Variants in CSNK1G3 observed in about 807,000 individuals in gnomAD.
CSNK1G3 encodes the protein casein kinase 1 gamma 3, also known as casein kinase I isoform gamma-3.
A neutral mutation model predicts 64.3 loss-of-function variants in CSNK1G3; 23 were observed. The ratio of observed to expected loss-of-function variants is 0.36; its 90% CI spans 0.26 to 0.51. The LOEUF is 0.51. Ranked by LOEUF, CSNK1G3 falls within the 20% of genes least tolerant of loss-of-function variation. CSNK1G3 has a pLI of 0.96. For missense variants in CSNK1G3, 357 were observed against 510.5 expected, an observed-to-expected ratio of 0.70 and a Z score of 2.90; for synonymous variants, 158 against 162.2, an observed-to-expected ratio of 0.97 and a Z score of 0.20.
At chr5:123,526,169 C>T (rs1779030908) in intron 1 of CSNK1G3, among the ~76,000 whole-genome samples, 1 of 151,772 alleles carries the variant, frequency 6.6e-6, no homozygotes, top group African/African-American at 2.4e-5. Flanking sequence ...CCCCACATTG[C>T]CAGGACTACA....
At chr5:123,515,731 C>T (rs1456008879) in intron 1 of CSNK1G3, among the ~76,000 whole-genome samples, 1 of 151,972 alleles carries the variant, frequency 6.6e-6, no homozygotes, top group Non-Finnish European at 1.5e-5. Context: ...CTAATTATTC[C>T]CCTCTTAGCT....
intron 12 of CSNK1G3, among the ~76,000 whole-genome samples, chr5:123,610,683 T>C (rs1393014028): frequency 6.6e-6 from 1 of 152,148 alleles, no homozygotes; most frequent in African/African-American, 2.4e-5. Context: ...TAAGTAGGAC[T>C]TAACATATAT....
At chr5:123,537,290 A>G (rs143114085) in intron 1 of CSNK1G3, among the ~76,000 whole-genome samples, 40 of 152,304 alleles carry the variant, frequency 2.6e-4, no homozygotes, top group Admixed American at 3.3e-4. Context: ...TTGCAGCAAC[A>G]TGGATAGAAC....
intron 10 of CSNK1G3, among the ~76,000 whole-genome samples, chr5:123,595,664 TAAG>T (rs984083068): frequency 2.0e-5 from 3 of 152,138 alleles, no homozygotes; most frequent in Non-Finnish European, 1.5e-5. Flanking sequence ...GAAATTTTAA[TAAG>T]AAGTGTTTAT....
intron 1 of CSNK1G3, among the ~76,000 whole-genome samples, chr5:123,537,347 G>A (rs1230873789): frequency 6.7e-6 from 1 of 149,836 alleles, no homozygotes; most frequent in Non-Finnish European, 1.5e-5. Flanking sequence ...GATATCACAT[G>A]TTCTCACTTC....
At chr5:123,552,947 A>C in intron 2 of CSNK1G3, 160 bp from the exon 3 acceptor site, 1 of 430,378 alleles carries the variant, frequency 2.3e-6, no homozygotes, top group Non-Finnish European at 4.3e-6. Flanking sequence ...CGAGTTGATA[A>C]TAAGTTTGAA....
At chr5:123,584,303 A>C (rs1790903834) in intron 6 of CSNK1G3, among the ~76,000 whole-genome samples, 1 of 152,140 alleles carries the variant, frequency 6.6e-6, no homozygotes, top group Admixed American at 6.5e-5. Context: ...CATTTTTCGT[A>C]GTTGTTGTCA....
chr5:123,608,802 T>C (rs1198113316), intron 12 of CSNK1G3, among the ~76,000 whole-genome samples: 1 of 152,182 alleles, frequency 6.6e-6, no homozygotes, highest in Non-Finnish European at 1.5e-5. Flanking sequence ...TGGTTATCAG[T>C]ATTTTTAAAA....
At chr5:123,549,309 G>A (rs555997332) in intron 2 of CSNK1G3, among the ~76,000 whole-genome samples, 1 of 152,104 alleles carries the variant, frequency 6.6e-6, no homozygotes, top group African/African-American at 2.4e-5. Context: ...TTATTTTTCT[G>A]TATATTATGA....
intron 12 of CSNK1G3, among the ~76,000 whole-genome samples, chr5:123,610,576 C>A (rs1478419): frequency 0.38 from 57,190 of 151,972 alleles, 11,857 homozygotes; most frequent in East Asian, 0.66. Context: ...GTCAATAGCA[C>A]AAGCCTGTAT....
chr5:123,615,588 CATATGA>C (rs1749318312), exon 13 of CSNK1G3: 1 of 133,874 alleles, frequency 7.5e-6, no homozygotes, highest in African/African-American at 2.5e-5. Flanking sequence ...GAAGTGCCTG[CATATGA>C]ACAACAACAA....
intron 6 of CSNK1G3, among the ~76,000 whole-genome samples, chr5:123,582,086 T>A (rs1790415457): frequency 6.6e-6 from 1 of 152,104 alleles, no homozygotes; most frequent in East Asian, 1.9e-4. Context: ...GTGTGAGGCA[T>A]CGATAAATTT....
At chr5:123,567,813 T>C (rs1787225944) in intron 4 of CSNK1G3, among the ~76,000 whole-genome samples, 1 of 152,234 alleles carries the variant, frequency 6.6e-6, no homozygotes, top group African/African-American at 2.4e-5. Flanking sequence ...TAAATCATTA[T>C]GACTGGTCTC....
At chr5:123,599,287 A>G (rs1794013074) in intron 10 of CSNK1G3, among the ~76,000 whole-genome samples, 1 of 152,196 alleles carries the variant, frequency 6.6e-6, no homozygotes, top group African/African-American at 2.4e-5. Context: ...ATAGTTGTAC[A>G]GTCTTTGGTT....
chr5:123,606,319 G>T (rs1408493346), intron 12 of CSNK1G3, among the ~76,000 whole-genome samples: 2 of 152,050 alleles, frequency 1.3e-5, no homozygotes, highest in African/African-American at 2.4e-5. Context: ...AGTCTTACTT[G>T]TGTGTTTTTA....
chr5:123,547,749 CTG>C (rs1352835797), intron 2 of CSNK1G3, among the ~76,000 whole-genome samples: 4 of 151,980 alleles, frequency 2.6e-5, no homozygotes, highest in East Asian at 1.9e-4. Context: ...CTCTATATAT[CTG>C]TGTTTTATGT....
At chr5:123,547,217 C>T (rs932069692) in intron 2 of CSNK1G3, among the ~76,000 whole-genome samples, 1 of 151,980 alleles carries the variant, frequency 6.6e-6, no homozygotes, top group African/African-American at 2.4e-5. Context: ...CAGGGCTTCA[C>T]GTTTTTCTTT....
At chr5:123,605,800 T>G (rs1351348079) in intron 12 of CSNK1G3, among the ~76,000 whole-genome samples, 1 of 152,156 alleles carries the variant, frequency 6.6e-6, no homozygotes, top group Non-Finnish European at 1.5e-5. Context: ...TAACCAATTA[T>G]CATTGCCCTT....
intron 6 of CSNK1G3, among the ~76,000 whole-genome samples, chr5:123,579,673 G>A (rs1789880386): frequency 2.0e-5 from 3 of 151,962 alleles, no homozygotes; most frequent in Non-Finnish European, 4.4e-5. Flanking sequence ...GGCGAAGTGA[G>A]TGTGATATGT....
Sources: allele counts gnomAD v4.1 joint callset (sites outside exome capture counted in the v4.1 genomes callset), GRCh38; gene constraint gnomAD v4.1.1; transcripts MANE v1.5; gene names NCBI Gene and HGNC (gene_info 2026-07-23, HGNC 2026-07-21).